TLK2: variants seen among roughly 807,000 people sequenced by gnomAD.
TLK2 encodes the protein serine/threonine-protein kinase tousled-like 2.
In TLK2, 6 loss-of-function variants were observed where a neutral mutation model predicts 117.3. The ratio of observed to expected loss-of-function variants is 0.05; its 90% CI spans 0.03 to 0.10. TLK2 has a LOEUF of 0.10. Among genes scored for constraint, TLK2 ranks in the 10% least tolerant of loss-of-function variants. The pLI, the probability that TLK2 is intolerant of heterozygous loss-of-function variation, is 1.00. For synonymous variants in TLK2, 257 were observed against 316.7 expected, an observed-to-expected ratio of 0.81 and a Z score of 2.00; for missense variants, 299 against 901.2, an observed-to-expected ratio of 0.33 and a Z score of 8.56.
chr17:62,597,115 ATT>A (rs1237826035), intron 17 of TLK2: 1 of 155,460 alleles, frequency 6.4e-6, no homozygotes, highest in Non-Finnish European at 1.4e-5. Flanking sequence ...CAATTTTAGA[ATT>A]TTTTCACCAT....
intron 2 of TLK2, among the ~76,000 whole-genome samples, chr17:62,518,053 G>A (rs888549463): frequency 1.3e-5 from 2 of 152,304 alleles, no homozygotes; most frequent in Non-Finnish European, 2.9e-5. Flanking sequence ...TCTTTTTCAA[G>A]ATTGTTTTGT....
At chr17:62,484,300 C>G (rs2072061973) in intron 2 of TLK2, among the ~76,000 whole-genome samples, 1 of 151,362 alleles carries the variant, frequency 6.6e-6, no homozygotes, top group Admixed American at 6.6e-5. Context: ...TTTCGTATGA[C>G]TTCTTTTTTT....
intron 6 of TLK2, among the ~76,000 whole-genome samples, chr17:62,535,812 T>C (rs1201168430): frequency 1.3e-5 from 2 of 151,736 alleles, no homozygotes; most frequent in Non-Finnish European, 2.9e-5. Context: ...AAAAAAGTCA[T>C]GGGACAATGT....
upstream of TLK2, among the ~76,000 whole-genome samples, chr17:62,476,291 A>C (rs2071042293): frequency 6.6e-6 from 1 of 150,698 alleles, no homozygotes; most frequent in Admixed American, 6.6e-5. Flanking sequence ...ACTTTGAAAA[A>C]TGGGATCATC....
rs1567879183 is a variant in TLK2, at chr17:62,540,399, A to ATTTTTT, written c.531+4062_531+4063insTTTTTT. Among the ~76,000 whole-genome samples the ATTTTTT allele has an allele frequency of 1.7e-3, 23 of 13,370 alleles. 1 individual carries two copies. Among genetic ancestry groups the ATTTTTT allele is most frequent in the African/African-American group, 2.1e-3 (22 of 10,398 alleles). 8.8% of individuals were successfully genotyped at this position (13,370 alleles called of 152,430 possible). A position where few individuals can be genotyped will look rare whatever the true frequency, so the allele number is the denominator to read the frequency against. On this transcript the variant is annotated intron_variant, in intron 7 of 21. Coordinates refer to ENST00000346027, the MANE Select transcript of TLK2 (RefSeq NM_006852.6). Reference sequence around the variant, plus strand: ...GATTTTACCTTCAAAATATGTTCAGAATTTTTTTTTTTTTTTTTTTTTTTG... The same window carrying ATTTTTT: ...GATTTTACCTTCAAAATATGTTCAGATTTTTTATTTTTTTTTTTTTTTTTTTTTTTG...
At chr17:62,529,197 G>A (rs1232358134) in intron 6 of TLK2, among the ~76,000 whole-genome samples, 1 of 151,958 alleles carries the variant, frequency 6.6e-6, no homozygotes, top group Non-Finnish European at 1.5e-5. Flanking sequence ...TATGTATTAT[G>A]ACTCTCTTCA....
At chr17:62,599,945 C>T (rs1021579722) in intron 17 of TLK2, among the ~76,000 whole-genome samples, 1 of 152,152 alleles carries the variant, frequency 6.6e-6, no homozygotes, top group African/African-American at 2.4e-5. Flanking sequence ...ATGTATGGGT[C>T]TGTATGACAT....
rs573122878 is a variant in TLK2, at chr17:62,514,654, A to G, written c.82-6119A>G. Reference sequence around the variant, plus strand: ...AGTGCAGTGGCGCGATCTTGGATCAATGCAACCTCTGCCTCCCAGCTTCAA... The same window carrying G: ...AGTGCAGTGGCGCGATCTTGGATCAGTGCAACCTCTGCCTCCCAGCTTCAA... On this transcript the variant is annotated intron_variant, in intron 2 of 21. Coordinates refer to ENST00000346027, the MANE Select transcript of TLK2 (RefSeq NM_006852.6). Among the ~76,000 whole-genome samples the G allele has an allele frequency of 7.9e-5, 12 of 151,452 alleles. No individual in the cohort carries two copies. In the South Asian group the frequency reaches 1.0e-3, roughly 13 times the overall value.
intron 2 of TLK2, 64 bp from the exon 3 acceptor site, chr17:62,520,709 T>C: frequency 7.0e-7 from 1 of 1,420,902 alleles, no homozygotes; most frequent in Non-Finnish European, 9.6e-7. Flanking sequence ...ATCAGGCTTC[T>C]TCTTCAGTTT....
chr17:62,612,295 T>C, intron 21 of TLK2, 97 bp from the exon 22 acceptor site: 1 of 1,353,854 alleles, frequency 7.4e-7, no homozygotes, highest in African/African-American at 1.5e-5. Flanking sequence ...TTAGTTGATA[T>C]TTGCTCTGGG....
intron 11 of TLK2, among the ~76,000 whole-genome samples, chr17:62,568,873 G>A (rs1203250750): frequency 6.6e-6 from 1 of 151,958 alleles, no homozygotes; most frequent in Admixed American, 6.6e-5. Context: ...AGCAATTTAC[G>A]TCAAACCATC....
intron 9 of TLK2, among the ~76,000 whole-genome samples, chr17:62,556,327 T>C (rs1205632304): frequency 6.6e-6 from 1 of 152,242 alleles, no homozygotes; most frequent in Non-Finnish European, 1.5e-5. Context: ...ATTGTTAGAC[T>C]TGTTTATTCA....
chr17:62,487,293 A>T (rs540175385), intron 2 of TLK2, among the ~76,000 whole-genome samples: 1 of 147,434 alleles, frequency 6.8e-6, no homozygotes, highest in East Asian at 2.0e-4. Context: ...CTCTGTCTCA[A>T]AAAAAAAAAA....
chr17:62,505,646 T>G (rs188188465), intron 2 of TLK2, among the ~76,000 whole-genome samples: 1 of 152,076 alleles, frequency 6.6e-6, no homozygotes, highest in Admixed American at 6.6e-5. Context: ...ATACACTGTT[T>G]TCAAATTTTT....
At chr17:62,493,021 C>CT (rs1263271525) in intron 2 of TLK2, among the ~76,000 whole-genome samples, 1 of 151,950 alleles carries the variant, frequency 6.6e-6, no homozygotes, top group Non-Finnish European at 1.5e-5. Context: ...TCACTTGAAC[C>CT]GGGAGGTGGA....
chr17:62,498,924 G>T (rs1338666057), intron 2 of TLK2, among the ~76,000 whole-genome samples: 1 of 152,010 alleles, frequency 6.6e-6, no homozygotes, highest in African/African-American at 2.4e-5. Context: ...GTGCAGTGGC[G>T]CAGTCATGGC....
chr17:62,497,230 TC>T (rs1471475048), intron 2 of TLK2, among the ~76,000 whole-genome samples: 1 of 151,752 alleles, frequency 6.6e-6, no homozygotes, highest in South Asian at 2.1e-4. Flanking sequence ...TATATGCACT[TC>T]CACACTTCAG....
At chr17:62,509,167 C>T (rs532704879) in intron 2 of TLK2, among the ~76,000 whole-genome samples, 2 of 152,280 alleles carry the variant, frequency 1.3e-5, no homozygotes, top group African/African-American at 2.4e-5. Context: ...TAGCTCACTG[C>T]AGCCTCGACC....
At chr17:62,580,032 T>C (rs2081095047) in intron 14 of TLK2, 79 bp from the exon 15 acceptor site, 1 of 1,091,300 alleles carries the variant, frequency 9.2e-7, no homozygotes, top group Non-Finnish European at 1.4e-6. Context: ...TATAATGTGT[T>C]AGATATTCTG....
Sources: gnomAD v4.1 joint callset for allele counts (sites outside exome capture counted in the v4.1 genomes callset) on GRCh38, gnomAD v4.1.1 for gene constraint, MANE v1.5 for transcripts, NCBI Gene and HGNC (gene_info 2026-07-23, HGNC 2026-07-21) for gene names.